Variants in KIF27 observed in about 807,000 individuals in gnomAD.
The protein encoded by KIF27 is kinesin-like protein KIF27.
In KIF27, 84 loss-of-function variants were observed where a neutral mutation model predicts 141.8. The observed-to-expected ratio is 0.59, with a 90% CI of 0.50 to 0.71. The LOEUF (loss-of-function observed/expected upper bound fraction) is 0.71. Among genes scored for constraint, KIF27 ranks in the 30% least tolerant of loss-of-function variants. The pLI is 0.00. For missense variants in KIF27, 1,306 were observed against 1,628.4 expected (o/e 0.80, Z 3.41); for synonymous variants, 471 against 569.5 (o/e 0.83, Z 2.46).
At chr9:83,905,538 C>T (rs1034899346) in intron 3 of KIF27, among the ~76,000 whole-genome samples, 7 of 152,334 alleles carry the variant, frequency 4.6e-5, no homozygotes, top group African/African-American at 1.7e-4. Flanking sequence ...GATACTGTCA[C>T]ATCACTATTT....
In KIF27 at chr9:83,899,776, A is replaced by T. The variant is rs780687564; in HGVS notation, c.1487T>A (p.Phe496Tyr). 3 of 1,613,410 alleles carry T rather than the reference A, an allele frequency of 1.9e-6. No individual in the cohort carries two copies. The highest frequency in any genetic ancestry group is 2.5e-6 in the Non-Finnish European group (3 of 1,179,712). Residue 496 changes from phenylalanine to tyrosine, a missense_variant, in exon 5 of 18, where the codon TTT becomes TAT. Around this residue, in one of 4 missense-constraint regions of KIF27, gnomAD observed 29 missense variants for 60.3 expected, o/e 0.48. Transcript: ENST00000297814. ...QCVLAADEVV[F>Y]NQKELEVKEL... The stretch of plus-strand genomic sequence containing the variant: ...CTTCACCTCCAGTTCCTTCTGATTA[A>T]ATACTACTTCATCAGCAGCAAGCAC...
chr9:83,894,040 C>T (rs1383159524), intron 5 of KIF27, among the ~76,000 whole-genome samples: 1 of 152,084 alleles, frequency 6.6e-6, no homozygotes, highest in East Asian at 1.9e-4. Context: ...ATACAATGGT[C>T]AAATTCCTAG....
At chr9:83,920,489 T>C (rs1427361301) in intron 1 of KIF27, among the ~76,000 whole-genome samples, 1 of 152,120 alleles carries the variant, frequency 6.6e-6, no homozygotes, top group Non-Finnish European at 1.5e-5. Flanking sequence ...ATGTCACTGG[T>C]CAGGAATGAG....
At chr9:83,883,316 T>C (rs1019122394) in intron 10 of KIF27, among the ~76,000 whole-genome samples, 5 of 152,160 alleles carry the variant, frequency 3.3e-5, no homozygotes, top group Non-Finnish European at 5.9e-5. Context: ...TCTCATAGAA[T>C]AGAATTTTTA....
chr9:83,900,108 G>T (rs1953711104), intron 4 of KIF27, among the ~76,000 whole-genome samples: 1 of 152,136 alleles, frequency 6.6e-6, no homozygotes, highest in South Asian at 2.1e-4. Context: ...AAGTTTGCTA[G>T]AACTGCTATG....
intron 12 of KIF27, among the ~76,000 whole-genome samples, chr9:83,870,141 C>CTCTCTCTATCTATCTATCTA (rs1554777740): frequency 2.6e-5 from 4 of 151,504 alleles, no homozygotes; most frequent in Admixed American, 6.6e-5. Flanking sequence ...CTATCTATCT[C>CTCTCTCTATCTATCTATCTA]TCTATCTATC....
chr9:83,900,574 AC>A (rs2132525306), intron 4 of KIF27, among the ~76,000 whole-genome samples: 1 of 147,774 alleles, frequency 6.8e-6, no homozygotes, highest in Non-Finnish European at 1.5e-5. Flanking sequence ...GCAATCCCAC[AC>A]TACTGGGTAT....
At chr9:83,899,283 G>T (rs1416849728) in intron 5 of KIF27, among the ~76,000 whole-genome samples, 1 of 151,968 alleles carries the variant, frequency 6.6e-6, no homozygotes, top group Admixed American at 6.6e-5. Flanking sequence ...TCACTCACGA[G>T]GTGTAAGAGG....
chr9:83,900,381 G>T (rs966603422), intron 4 of KIF27, among the ~76,000 whole-genome samples: 1 of 139,412 alleles, frequency 7.2e-6, no homozygotes, highest in Non-Finnish European at 1.6e-5. Context: ...ATTATTTGTC[G>T]AGAGCCTCAT....
chr9:83,881,665 G>C (rs1262796567), intron 10 of KIF27, among the ~76,000 whole-genome samples: 1 of 152,220 alleles, frequency 6.6e-6, no homozygotes, highest in Admixed American at 6.5e-5. Flanking sequence ...GGACTACTTT[G>C]GGTACCACTG....
In KIF27 at chr9:83,908,648, T is replaced by A. The variant is rs557018551; in HGVS notation, c.303A>T (p.Ser101=). The A allele has an allele frequency of 6.3e-7, 1 of 1,576,246 alleles. No homozygotes were observed. The highest frequency in any genetic ancestry group is 1.2e-5 in the South Asian group (1 of 81,792). Residue 101 remains serine (S), a synonymous_variant, in exon 3 of 18, where the codon TCA becomes TCT. Transcript: ENST00000297814. ...TGATACCCTTTTGGCCCTCCACAAC[T>A]GAAGCTGAAAATTTAGAAAAAGAAA... ...TYTIGGGHIA[S]VVEGQKGIIP...
intron 5 of KIF27, among the ~76,000 whole-genome samples, chr9:83,893,169 C>T (rs1328914404): frequency 1.3e-5 from 2 of 152,082 alleles, no homozygotes; most frequent in African/African-American, 4.8e-5. Flanking sequence ...CCCAGGAGGT[C>T]GAGGCTACAG....
At chr9:83,887,361 T>A (rs1242662283) in intron 8 of KIF27, among the ~76,000 whole-genome samples, 165 bp from the exon 9 acceptor site, 2 of 152,216 alleles carry the variant, frequency 1.3e-5, no homozygotes, top group Admixed American at 6.5e-5. Context: ...ATTGGGACTC[T>A]AGCATTCCAG....
chr9:83,907,265 G>C lies in KIF27; in HGVS notation c.499+1187C>G, dbSNP rs11140290. 7.6e-3 allele frequency among the ~76,000 whole-genome samples: 1,153 copies of C among 151,050 alleles called. 28 individuals are homozygous for C. The highest frequency in any genetic ancestry group is 0.036 in the East Asian group (185 of 5,150). ...AGATCGCGCCACTGCACTCCAGCCT[G>C]GGTGACAGAGCAAGACTCCATCTCA... On this transcript the variant is annotated intron_variant, in intron 3 of 17. Coordinates refer to ENST00000297814, the MANE Select transcript of KIF27 (RefSeq NM_017576.4).
chr9:83,910,762 T>G (rs1473157774), intron 2 of KIF27, among the ~76,000 whole-genome samples: 1 of 152,166 alleles, frequency 6.6e-6, no homozygotes, highest in Non-Finnish European at 1.5e-5. Context: ...CATAACATCA[T>G]GAGTAAACAT....
intron 13 of KIF27, among the ~76,000 whole-genome samples, chr9:83,865,838 T>A (rs915324603): frequency 2.6e-5 from 4 of 152,216 alleles, no homozygotes; most frequent in African/African-American, 9.6e-5. Context: ...GAAAAGCAGA[T>A]AAGATTTGTG....
At chr9:83,838,844 C>A (rs1003589384) in intron 17 of KIF27, 6 of 152,170 alleles carry the variant, frequency 3.9e-5, no homozygotes, top group African/African-American at 1.4e-4. Flanking sequence ...TGGTTTAAAA[C>A]ATAACTGACT....
chr9:83,877,035 G>C (rs1168782558), intron 11 of KIF27, among the ~76,000 whole-genome samples: 17 of 152,196 alleles, frequency 1.1e-4, no homozygotes, highest in South Asian at 6.2e-4. Flanking sequence ...TATGATCATG[G>C]CACCGCACTT....
intron 1 of KIF27, among the ~76,000 whole-genome samples, chr9:83,918,709 G>A (rs566912507): frequency 6.6e-6 from 1 of 152,236 alleles, no homozygotes; most frequent in South Asian, 2.1e-4. Context: ...AGGAGACTGA[G>A]GTGGGAGGAT....
Sources: allele counts gnomAD v4.1 joint callset (sites outside exome capture counted in the v4.1 genomes callset), GRCh38; gene constraint gnomAD v4.1.1; regional missense constraint gnomAD v4.1.1; transcripts MANE v1.5; gene names NCBI Gene and HGNC (gene_info 2026-07-23, HGNC 2026-07-21).